Variants in CTPS2 observed in about 807,000 individuals in gnomAD.
The protein encoded by CTPS2 is CTP synthase II.
In CTPS2, 19 loss-of-function variants were observed where a neutral mutation model predicts 46.8. That is an observed-to-expected ratio of 0.41 (90% CI 0.28 to 0.60). The LOEUF is 0.60. Among genes scored for constraint, CTPS2 ranks in the 20% least tolerant of loss-of-function variants. The pLI is 0.35. For synonymous variants in CTPS2, 151 were observed against 165.2 expected (o/e 0.91, Z 0.66); for missense variants, 286 against 447.6 (o/e 0.64, Z 3.26).
intron 13 of CTPS2, among the ~76,000 whole-genome samples, chrX:16,647,139 T>C (rs1932356404): frequency 9.0e-6 from 1 of 110,967 alleles, no homozygotes. Flanking sequence ...GAGATGTGAC[T>C]GGTAGAAGTG....
intron 1 of CTPS2, among the ~76,000 whole-genome samples, chrX:16,704,278 C>T (rs1924822112): frequency 9.0e-6 from 1 of 111,317 alleles, no homozygotes; most frequent in Admixed American, 9.7e-5. Context: ...ATTCCTTCAT[C>T]TGTAAAGTGG....
At chrX:16,653,205 C>T (rs1410821905) in intron 13 of CTPS2, among the ~76,000 whole-genome samples, 1 of 110,853 alleles carries the variant, frequency 9.0e-6, no homozygotes, top group Non-Finnish European at 1.9e-5. Context: ...TAGACTCCTA[C>T]CTGAAAGTCC....
At chrX:16,679,987 G>A (rs1423954145) in intron 9 of CTPS2, among the ~76,000 whole-genome samples, 2 of 111,477 alleles carry the variant, frequency 1.8e-5, no homozygotes, top group East Asian at 2.8e-4. Context: ...AGAGAGAACC[G>A]AGAAAGATTT....
At chrX:16,646,436 A>T (rs1044903021) in intron 13 of CTPS2, among the ~76,000 whole-genome samples, 1 of 112,299 alleles carries the variant, frequency 8.9e-6, no homozygotes, top group East Asian at 2.8e-4. Context: ...AAAGATACGC[A>T]CTCAAGAAGC....
chrX:16,597,185 C>T (rs1028644530), intron 17 of CTPS2, among the ~76,000 whole-genome samples: 5 of 111,697 alleles, frequency 4.5e-5, no homozygotes, highest in Admixed American at 9.5e-5. Flanking sequence ...TGTGCAGAAG[C>T]TCTTTAGTTT....
chrX:16,708,714 C>T (rs953358063), intron 1 of CTPS2, among the ~76,000 whole-genome samples: 1 of 111,206 alleles, frequency 9.0e-6, no homozygotes, highest in Non-Finnish European at 1.9e-5. Flanking sequence ...TTAATTATAC[C>T]TTATTCTGGC....
intron 10 of CTPS2, among the ~76,000 whole-genome samples, 195 bp from the exon 11 acceptor site, chrX:16,670,869 A>G (rs1921688977): frequency 2.7e-5 from 3 of 111,543 alleles, no homozygotes; most frequent in Admixed American, 9.6e-5. Context: ...AATTGTGACA[A>G]TTTCTCACAA....
Position 16,689,569 on chromosome X carries a change from G to A in CTPS2, c.753C>T (p.Tyr251=). 1.7e-6 allele frequency: 2 copies of A among 1,209,495 alleles called. No individual in the cohort carries two copies. The highest frequency in any genetic ancestry group is 2.2e-6 in the Non-Finnish European group (2 of 894,133). The change falls in exon 8 of 19, where the codon TAC becomes TAT. Residue 251 remains tyrosine, a synonymous_variant. Coordinates refer to ENST00000359276, the MANE Select transcript of CTPS2 (RefSeq NM_175859.3). ...VICIHDVSST[Y]RVPVLLEEQS... is the part of the protein sequence containing the mutation. ...GTTCCTCTAAAAGCACAGGAACTCGGTATGTGGAAGAAACATCATGGATAC... is the reference window on the plus strand; with the variant it reads ...GTTCCTCTAAAAGCACAGGAACTCGATATGTGGAAGAAACATCATGGATAC...
At chrX:16,594,868 A>T (rs1186667583) in intron 17 of CTPS2, among the ~76,000 whole-genome samples, 2 of 112,734 alleles carry the variant, frequency 1.8e-5, no homozygotes, top group African/African-American at 6.4e-5. Context: ...ATCAAAATAT[A>T]CGTTACTGCT....
chrX:16,639,778 AAAGAAAGAAAGAAAG>A (rs751120335), intron 13 of CTPS2, among the ~76,000 whole-genome samples: 3 of 14,591 alleles, frequency 2.1e-4, no homozygotes, highest in Non-Finnish European at 3.0e-4. Flanking sequence ...AAGGAAAAGA[AAAGAAAGAAAGAAAG>A]AAAGAAAGAA....
chrX:16,677,300 T>C (rs780537873), intron 10 of CTPS2, among the ~76,000 whole-genome samples: 3 of 111,727 alleles, frequency 2.7e-5, no homozygotes, highest in Non-Finnish European at 5.6e-5. Flanking sequence ...CTCAATGTTT[T>C]CTTAAACTAA....
chrX:16,701,846 G>A (rs1037944353), intron 2 of CTPS2, among the ~76,000 whole-genome samples: 3 of 109,514 alleles, frequency 2.7e-5, no homozygotes, highest in African/African-American at 6.6e-5. Flanking sequence ...TGATCCGCCC[G>A]CCTCAGCCTC....
intron 2 of CTPS2, among the ~76,000 whole-genome samples, chrX:16,700,873 A>G (rs1202620637): frequency 8.9e-6 from 1 of 111,815 alleles, no homozygotes; most frequent in Non-Finnish European, 1.9e-5. Context: ...TGCTTCAACA[A>G]GGCATATGTT....
chrX:16,654,706 G>A, intron 13 of CTPS2: 1 of 238,675 alleles, frequency 4.2e-6, no homozygotes, highest in Non-Finnish European at 7.5e-6. Context: ...TAACATAATA[G>A]ACTTGAAAGT....
At position 16,689,567 on chromosome X, in the gene CTPS2, C is replaced by T; in HGVS notation, c.755G>A (p.Arg252Gln). The stretch of plus-strand genomic sequence containing the variant: ...TTGTTCCTCTAAAAGCACAGGAACT[C>T]GGTATGTGGAAGAAACATCATGGAT... ...ICIHDVSSTY[R>Q]VPVLLEEQSI... The change falls in exon 8 of 19, where the codon CGA (arginine) becomes CAA (glutamine). Residue 252 changes from arginine (R) to glutamine (Q), a missense_variant. Physicochemically the swap from Arg to Gln is conservative, Grantham distance 43 (BLOSUM62 1). Coordinates refer to ENST00000359276, the MANE Select transcript of CTPS2 (RefSeq NM_175859.3). 1 of 1,209,267 alleles carries T rather than the reference C, an allele frequency of 8.3e-7. No individual in the cohort carries two copies. Among genetic ancestry groups the T allele is most frequent in the South Asian group, 1.8e-5 (1 of 56,511 alleles).
chrX:16,638,327 A>T (rs1459345197), intron 14 of CTPS2, among the ~76,000 whole-genome samples: 1 of 110,068 alleles, frequency 9.1e-6, no homozygotes, highest in African/African-American at 3.3e-5. Flanking sequence ...CACGAAAATG[A>T]CACTGAACAC....
chrX:16,654,550 C>G (rs201526472), intron 13 of CTPS2: 43 of 840,652 alleles, frequency 5.1e-5, no homozygotes, highest in Non-Finnish European at 7.5e-5. Flanking sequence ...GGAGGAAGAG[C>G]GCCTGTGCTG....
chrX:16,649,568 T>C (rs972223060), intron 13 of CTPS2, among the ~76,000 whole-genome samples: 8 of 112,107 alleles, frequency 7.1e-5, no homozygotes. Context: ...CATGGCTCAC[T>C]GTTGCCTCAA....
chrX:16,606,833 C>T (rs774548856), intron 17 of CTPS2, among the ~76,000 whole-genome samples: 1 of 111,441 alleles, frequency 9.0e-6, no homozygotes, highest in East Asian at 2.8e-4. Flanking sequence ...GCAATCTCAG[C>T]TCACTGCAAC....
Sources: gnomAD v4.1 joint callset for allele counts (sites outside exome capture counted in the v4.1 genomes callset) on GRCh38, gnomAD v4.1.1 for gene constraint, MANE v1.5 for transcripts, NCBI Gene and HGNC (gene_info 2026-07-23, HGNC 2026-07-21) for gene names.